RSU1: variants seen among roughly 807,000 people sequenced by gnomAD.
RSU1 encodes the protein rsu-1.
RSU1 carries 26 observed loss-of-function variants against 31.1 expected under a neutral mutation model. The ratio of observed to expected loss-of-function variants is 0.84; its 90% confidence interval spans 0.61 to 1.16. RSU1 has a LOEUF of 1.16. Ranked by LOEUF, RSU1 falls within the 50% of genes most tolerant of loss-of-function variation. The pLI is 0.00. For missense variants in RSU1, 320 were observed against 339.1 expected (o/e 0.94, Z 0.44); for synonymous variants, 164 against 136.3 (o/e 1.20, Z -1.41).
chr10:16,773,772 G>A (rs760929375), intron 3 of RSU1, among the ~76,000 whole-genome samples: 128 of 152,282 alleles, frequency 8.4e-4, no homozygotes, highest in Non-Finnish European at 7.2e-4. Context: ...TTTCCACACA[G>A]TGCTGGTTCA....
chr10:16,773,639 T>A (rs1371375500), intron 3 of RSU1, among the ~76,000 whole-genome samples: 1 of 152,198 alleles, frequency 6.6e-6, no homozygotes, highest in Non-Finnish European at 1.5e-5. Context: ...TACACCTGCC[T>A]CCTCCACGTA....
chr10:16,786,723 G>T (rs912693242), intron 2 of RSU1, among the ~76,000 whole-genome samples: 1 of 151,942 alleles, frequency 6.6e-6, no homozygotes, highest in Non-Finnish European at 1.5e-5. Flanking sequence ...CTCCCTTCCC[G>T]TATTTGTAAT....
intron 3 of RSU1, among the ~76,000 whole-genome samples, chr10:16,772,000 G>A (rs192360959): frequency 1.3e-5 from 2 of 152,238 alleles, no homozygotes; most frequent in African/African-American, 4.8e-5. Flanking sequence ...AAGTATTACT[G>A]GGGACCTGTG....
chr10:16,607,465 T>C (rs1305123051), intron 8 of RSU1, among the ~76,000 whole-genome samples: 1 of 152,208 alleles, frequency 6.6e-6, no homozygotes, highest in African/African-American at 2.4e-5. Context: ...TGAATTGGAA[T>C]TCAGAAGGCT....
At chr10:16,719,761 G>C (rs1475867451) in intron 7 of RSU1, among the ~76,000 whole-genome samples, 1 of 152,218 alleles carries the variant, frequency 6.6e-6, no homozygotes, top group Non-Finnish European at 1.5e-5. Context: ...TGGCTGCTAT[G>C]TCTGCGCTCC....
intron 3 of RSU1, among the ~76,000 whole-genome samples, chr10:16,766,585 G>A (rs974353763): frequency 1.3e-5 from 2 of 151,708 alleles, no homozygotes; most frequent in African/African-American, 2.4e-5. Context: ...CATGGTGGCA[G>A]ACGCCTGTAA....
At chr10:16,703,653 T>A (rs1053418144) in intron 7 of RSU1, among the ~76,000 whole-genome samples, 1 of 152,128 alleles carries the variant, frequency 6.6e-6, no homozygotes, top group East Asian at 1.9e-4. Context: ...CATGGGGCAA[T>A]GGTCATGACA....
intron 4 of RSU1, among the ~76,000 whole-genome samples, chr10:16,755,500 A>G (rs1007409220): frequency 3.3e-5 from 5 of 152,062 alleles, no homozygotes; most frequent in African/African-American, 9.7e-5. Flanking sequence ...GGTGTACAAC[A>G]TGATACTTCT....
chr10:16,625,146 G>A (rs980046647), intron 8 of RSU1, among the ~76,000 whole-genome samples: 3 of 152,118 alleles, frequency 2.0e-5, no homozygotes, highest in East Asian at 1.9e-4. Flanking sequence ...GGCAGAATCC[G>A]TCACTTGTAC....
chr10:16,769,543 C>A (rs985869056), intron 3 of RSU1, among the ~76,000 whole-genome samples: 7 of 152,160 alleles, frequency 4.6e-5, no homozygotes, highest in South Asian at 2.1e-4. Flanking sequence ...GTCAGAATCA[C>A]CAGATGGCTT....
At chr10:16,646,001 T>C (rs1388117464) in intron 8 of RSU1, among the ~76,000 whole-genome samples, 1 of 92,506 alleles carries the variant, frequency 1.1e-5, no homozygotes, top group Non-Finnish European at 2.0e-5. Context: ...TGTGTATATA[T>C]ATGTGTATAT....
intron 2 of RSU1, among the ~76,000 whole-genome samples, chr10:16,799,915 C>T (rs1264611338): frequency 6.6e-6 from 1 of 152,152 alleles, no homozygotes; most frequent in East Asian, 1.9e-4. Context: ...CTAGAGAGAT[C>T]TAAGCACAGG....
chr10:16,803,202 G>A (rs1365488710), intron 2 of RSU1, among the ~76,000 whole-genome samples: 3 of 151,906 alleles, frequency 2.0e-5, no homozygotes, highest in Admixed American at 6.6e-5. Context: ...ATATACAAAG[G>A]CAATTGCTTT....
At chr10:16,661,236 G>T (rs1000028311) in intron 8 of RSU1, among the ~76,000 whole-genome samples, 4 of 150,556 alleles carry the variant, frequency 2.7e-5, no homozygotes, top group African/African-American at 9.8e-5. Context: ...TTCCCTGTTT[G>T]GTAATTTTTC....
intron 7 of RSU1, among the ~76,000 whole-genome samples, chr10:16,715,973 A>T (rs1365932707): frequency 6.6e-6 from 1 of 152,234 alleles, no homozygotes; most frequent in African/African-American, 2.4e-5. Flanking sequence ...TTCCCTATTC[A>T]AGAGTCAAAA....
At chr10:16,616,912 C>A (rs570458281) in intron 8 of RSU1, among the ~76,000 whole-genome samples, 3 of 151,080 alleles carry the variant, frequency 2.0e-5, no homozygotes, top group African/African-American at 7.3e-5. Flanking sequence ...TCATACTGAA[C>A]GGGTATTCCC....
intron 8 of RSU1, among the ~76,000 whole-genome samples, chr10:16,619,655 C>T (rs753343357): frequency 5.9e-5 from 9 of 152,192 alleles, no homozygotes; most frequent in Non-Finnish European, 1.2e-4. Context: ...CTGAAAGACT[C>T]CTGAGCCTAG....
intron 8 of RSU1, among the ~76,000 whole-genome samples, chr10:16,625,419 C>T (rs1834138512): frequency 6.6e-6 from 1 of 152,310 alleles, no homozygotes; most frequent in Middle Eastern, 3.4e-3. Flanking sequence ...AAAAATCTCA[C>T]CATCCTCAAG....
chr10:16,811,892 T>C (rs907468282), intron 2 of RSU1, among the ~76,000 whole-genome samples: 2 of 152,178 alleles, frequency 1.3e-5, no homozygotes, highest in African/African-American at 4.8e-5. Context: ...CTATGCCAAG[T>C]AGAGAGACAC....
Sources: gnomAD v4.1 joint callset for allele counts (sites outside exome capture counted in the v4.1 genomes callset) on GRCh38, gnomAD v4.1.1 for gene constraint, MANE v1.5 for transcripts, NCBI Gene and HGNC (gene_info 2026-07-23, HGNC 2026-07-21) for gene names.